Variants in FANCA observed in about 807,000 individuals in gnomAD.
FANCA encodes the protein FA complementation group A.
Under a neutral mutation model 194.3 loss-of-function variants are expected in FANCA, and 236 were observed. That is an observed-to-expected ratio of 1.21 (90% CI 1.09 to 1.35). The LOEUF (loss-of-function observed/expected upper bound fraction) is 1.35. Ranked by LOEUF, FANCA falls within the 40% of genes most tolerant of loss-of-function variation. The pLI, the probability that FANCA is intolerant of heterozygous loss-of-function variation, is 0.00. For synonymous variants in FANCA, 1,014 were observed against 715.8 expected (o/e 1.42, Z -6.65); for missense variants, 2,628 against 1,813.9 (o/e 1.45, Z -8.15).
chr16:89,784,779 G>T, intron 15 of FANCA, 75 bp downstream of exon 15: 1 of 1,142,432 alleles, frequency 8.8e-7, no homozygotes, highest in Non-Finnish European at 1.3e-6. Flanking sequence ...GGCTCTTGGG[G>T]AGGCCAAGGC....
At chr16:89,806,055 G>A (rs560826555) in intron 6 of FANCA, among the ~76,000 whole-genome samples, 1 of 152,276 alleles carries the variant, frequency 6.6e-6, no homozygotes, top group African/African-American at 2.4e-5. Flanking sequence ...TGGGATTACA[G>A]GCACCTGCCA....
intron 6 of FANCA, among the ~76,000 whole-genome samples, chr16:89,805,947 T>C (rs1188024980): frequency 6.6e-6 from 1 of 151,534 alleles, no homozygotes; most frequent in East Asian, 1.9e-4. Flanking sequence ...AGTTTTGCTC[T>C]TGTCATCCAG....
At chr16:89,781,006 C>T (rs2039680562) in intron 17 of FANCA, among the ~76,000 whole-genome samples, 1 of 151,718 alleles carries the variant, frequency 6.6e-6, no homozygotes, top group African/African-American at 2.4e-5. Context: ...TCACCTAACA[C>T]TTTAATGTCA....
At chr16:89,744,345 C>A (rs17227256) in intron 36 of FANCA, among the ~76,000 whole-genome samples, 1 of 152,188 alleles carries the variant, frequency 6.6e-6, no homozygotes, top group Non-Finnish European at 1.5e-5. Context: ...CTTAAGAACA[C>A]GGCACCCACA....
intron 22 of FANCA, 132 bp downstream of exon 22, chr16:89,773,139 C>T: frequency 2.6e-6 from 2 of 758,958 alleles, no homozygotes; most frequent in Non-Finnish European, 4.5e-6. Flanking sequence ...AGCCCGGGGT[C>T]AATCTTTAAA....
rs577194734 is a variant in FANCA, at chr16:89,738,974, C to T, written c.4168G>A (p.Gly1390Ser). Residue 1390 changes from glycine (G) to serine (S), a missense_variant and splice_region_variant, in exon 42 of 43, where the codon GGC becomes AGC. Gly to Ser is a moderately conservative substitution (Grantham distance 56). Transcript: ENST00000389301. ...AGRSLELKGQ[G>S]NPVELITKAR... The stretch of plus-strand genomic sequence containing the variant: ...TTTGTTATCAGTTCCACGGGGTTGC[C>T]CTAGAGAGAAAACAGGCAAACTCAC... 2 of 1,614,230 alleles carry T rather than the reference C, an allele frequency of 1.2e-6. No individual in the cohort carries two copies. The highest frequency in any genetic ancestry group is 2.2e-5 in the East Asian group (1 of 44,886).
chr16:89,809,296 G>T (rs572299258), intron 5 of FANCA, among the ~76,000 whole-genome samples: 3 of 152,126 alleles, frequency 2.0e-5, no homozygotes, highest in African/African-American at 7.2e-5. Flanking sequence ...GCAAATCTGT[G>T]AGCACATGAA....
chr16:89,793,458 C>G (rs2040144641), intron 11 of FANCA, among the ~76,000 whole-genome samples: 2 of 152,138 alleles, frequency 1.3e-5, no homozygotes, highest in Admixed American at 1.3e-4. Flanking sequence ...GTAATTACTA[C>G]CAACTAATGA....
At chr16:89,814,381 C>T (rs752408341) in intron 3 of FANCA, 139 bp downstream of exon 3, 6 of 618,054 alleles carry the variant, frequency 9.7e-6, no homozygotes, top group Non-Finnish European at 1.7e-5. Flanking sequence ...ACAAACATCC[C>T]ATAGAATTTG....
chr16:89,784,822 A>G, intron 15 of FANCA, 32 bp downstream of exon 15: 1 of 1,537,390 alleles, frequency 6.5e-7, no homozygotes, highest in Non-Finnish European at 9.0e-7. Flanking sequence ...GCGAAGCACC[A>G]GAAATCATGG....
intron 17 of FANCA, among the ~76,000 whole-genome samples, chr16:89,780,790 C>T (rs1048999775): frequency 6.6e-6 from 1 of 152,014 alleles, no homozygotes; most frequent in Admixed American, 6.6e-5. Context: ...ACCAGCCAGG[C>T]ATGGTGGCGC....
At chr16:89,812,095 G>A (rs1406972707) in intron 3 of FANCA, among the ~76,000 whole-genome samples, 2 of 151,004 alleles carry the variant, frequency 1.3e-5, no homozygotes, top group Admixed American at 6.6e-5. Context: ...CAGCACTTTG[G>A]GAGGCCGAGG....
At chr16:89,808,109 C>A (rs1216760336) in intron 6 of FANCA, among the ~76,000 whole-genome samples, 185 bp downstream of exon 6, 1 of 151,874 alleles carries the variant, frequency 6.6e-6, no homozygotes, top group Non-Finnish European at 1.5e-5. Context: ...TAAACGTTCT[C>A]TTGAAATAAT....
At position 89,807,223 on chromosome 16, in the gene FANCA, C is replaced by T. The variant is rs1295899734; in HGVS notation, c.596+1071G>A. Among the ~76,000 whole-genome samples the T allele has an allele frequency of 1.4e-5, 2 of 144,152 alleles. 1 individual carries two copies. The highest frequency in any genetic ancestry group is 4.0e-4 in the East Asian group (2 of 5,044). The allele number at this position is 144,152 out of a possible 152,430, so 94.6% of individuals were successfully genotyped here. On this transcript the variant is annotated intron_variant, in intron 6 of 42. Coordinates refer to ENST00000389301, the MANE Select transcript of FANCA (RefSeq NM_000135.4). ...TTTTGAGATGAAATTCTGCTCTAGGCCGAGGCGGGAGGATCACAAGATCAG... is the reference window on the plus strand; with the variant it reads ...TTTTGAGATGAAATTCTGCTCTAGGTCGAGGCGGGAGGATCACAAGATCAG...
At chr16:89,796,397 G>C (rs571699347) in intron 10 of FANCA, among the ~76,000 whole-genome samples, 1 of 152,142 alleles carries the variant, frequency 6.6e-6, no homozygotes, top group African/African-American at 2.4e-5. Flanking sequence ...TCTGTGACAC[G>C]GAACTCCCCC....
chr16:89,745,089 G>A lies in FANCA; in HGVS notation c.3514-18C>T. The stretch of plus-strand genomic sequence containing the variant: ...CACCACACCTATGGAGAGAGCACCA[G>A]CACACAGATGAGGGTGGCTGAGATG... On this transcript the variant is annotated intron_variant, in intron 35 of 42. Transcript: ENST00000389301. 1 of 1,577,892 alleles carries A rather than the reference G, an allele frequency of 6.3e-7. No individual in the cohort carries two copies. The highest frequency in any genetic ancestry group is 8.6e-7 in the Non-Finnish European group (1 of 1,165,834).
chr16:89,745,038 A>C lies in FANCA; in HGVS notation c.3547T>G (p.Cys1183Gly), dbSNP rs763856094. 6.2e-7 allele frequency: 1 copy of C among 1,609,746 alleles called. No individual in the cohort carries two copies. The highest frequency in any genetic ancestry group is 1.7e-5 in the Admixed American group (1 of 59,972). The change falls in exon 36 of 43, where the codon TGC (cysteine) becomes GGC (glycine). Residue 1183 changes from cysteine (C) to glycine (G), a missense_variant. Transcript: ENST00000389301. ...WWPSLEPVLL[C>G]RWRRHCQSPL... is the part of the protein sequence containing the mutation. ...CTCTGGCAGTGTCTCCTCCACCGGCAGAGCAGCACAGGCTCCAGGCTCGGC... is the reference window on the plus strand; with the variant it reads ...CTCTGGCAGTGTCTCCTCCACCGGCCGAGCAGCACAGGCTCCAGGCTCGGC...
intron 29 of FANCA, among the ~76,000 whole-genome samples, chr16:89,761,655 C>T (rs2038958580): frequency 6.6e-6 from 1 of 152,122 alleles, no homozygotes; most frequent in Non-Finnish European, 1.5e-5. Context: ...GATAGGGTCT[C>T]ACTCCGTTGC....
chr16:89,764,261 C>A lies in FANCA; in HGVS notation c.2778+629G>T, dbSNP rs189947280. 3.9e-5 allele frequency among the ~76,000 whole-genome samples: 6 copies of A among 152,192 alleles called. No individual in the cohort carries two copies. In the East Asian group the frequency reaches 1.2e-3, roughly 29 times the overall value. The stretch of plus-strand genomic sequence containing the variant: ...ATCAGTAAAAATAAAAAAAGAAGTT[C>A]GTGTTGGGAGAAACTGAGAAAGTAT... On this transcript the variant is annotated intron_variant, in intron 28 of 42. Coordinates refer to ENST00000389301, the MANE Select transcript of FANCA (RefSeq NM_000135.4).
Sources: allele counts gnomAD v4.1 joint callset (sites outside exome capture counted in the v4.1 genomes callset), GRCh38; gene constraint gnomAD v4.1.1; transcripts MANE v1.5; gene names NCBI Gene and HGNC (gene_info 2026-07-23, HGNC 2026-07-21).